The following DLG2 variants were observed in gnomAD, a reference collection of about 807,000 sequenced individuals.
DLG2 encodes the protein disks large homolog 2.
DLG2 carries 45 observed loss-of-function variants against 132.5 expected under a neutral mutation model. That is an observed-to-expected ratio of 0.34 (90% CI 0.27 to 0.44). The LOEUF (loss-of-function observed/expected upper bound fraction) is 0.44, where lower values mean the gene tolerates loss of function less well. Among genes scored for constraint, DLG2 ranks in the 20% least tolerant of loss-of-function variants. DLG2 has a pLI of 1.00. For synonymous variants in DLG2, 424 were observed against 419.6 expected (o/e 1.01, Z -0.13); for missense variants, 1,045 against 1,196.9 (o/e 0.87, Z 1.87).
At chr11:83,502,703 T>A (rs530362421) in intron 21 of DLG2, among the ~76,000 whole-genome samples, 23 of 152,268 alleles carry the variant, frequency 1.5e-4, no homozygotes, top group Non-Finnish European at 3.4e-4. Flanking sequence ...TGGTCTTACA[T>A]ACCTATCCTA....
Position 85,154,645 on chromosome 11 carries a change from C to A in DLG2, c.193G>T (p.Asp65Tyr), listed in dbSNP as rs141008668. 1.2e-5 allele frequency: 17 copies of A among 1,476,528 alleles called. No homozygotes were observed. In the East Asian group the frequency reaches 4.0e-4, roughly 34 times the overall value. 91.5% of individuals were successfully genotyped at this position (1,476,528 alleles called of 1,614,324 possible). A position where few individuals can be genotyped will look rare whatever the true frequency, so the allele number is the denominator to read the frequency against. The change falls in exon 5 of 28, where the codon GAT becomes TAT. Residue 65 changes from aspartate to tyrosine, a missense_variant. Around this residue, in one of 4 missense-constraint regions of DLG2, gnomAD observed 277 missense variants for 238.2 expected, o/e 1.16. Coordinates refer to ENST00000376104, the MANE Select transcript of DLG2 (RefSeq NM_001142699.3). ...DRLQKSSELT[D>Y]CSGSKENASC... ...GCATTTTCCTTTGATCCACTGCAAT[C>A]TGTAAGCTAAAATAAAAGTTTAAAA...
At chr11:85,572,051 T>C (rs1385959077) in intron 3 of DLG2, among the ~76,000 whole-genome samples, 1 of 152,188 alleles carries the variant, frequency 6.6e-6, no homozygotes, top group African/African-American at 2.4e-5. Flanking sequence ...TTACAGAGAT[T>C]CAGCTTCTTT....
chr11:85,587,613 G>C (rs906449468), intron 3 of DLG2, among the ~76,000 whole-genome samples: 5 of 152,100 alleles, frequency 3.3e-5, no homozygotes, highest in East Asian at 1.9e-4. Context: ...CTCTTGAAGA[G>C]AGCAGATACT....
chr11:84,350,035 G>T (rs2098555837), intron 7 of DLG2, among the ~76,000 whole-genome samples: 1 of 151,884 alleles, frequency 6.6e-6, no homozygotes, highest in Admixed American at 6.6e-5. Context: ...AAAATTAGCG[G>T]GGCGTGGTGG....
intron 6 of DLG2, among the ~76,000 whole-genome samples, chr11:85,073,188 C>T (rs1170732648): frequency 6.6e-6 from 1 of 151,818 alleles, no homozygotes; most frequent in East Asian, 1.9e-4. Context: ...AGACAGACCC[C>T]TAAACCTCTT....
intron 7 of DLG2, among the ~76,000 whole-genome samples, chr11:84,413,375 G>T (rs1010871775): frequency 6.6e-5 from 10 of 152,186 alleles, no homozygotes; most frequent in African/African-American, 2.4e-4. Context: ...ATCTTCCCAA[G>T]GAAAGAGGAG....
intron 18 of DLG2, among the ~76,000 whole-genome samples, chr11:83,723,365 G>A (rs2089195615): frequency 6.6e-6 from 1 of 152,006 alleles, no homozygotes; most frequent in South Asian, 2.1e-4. Flanking sequence ...GGGCAACAGA[G>A]TGAAACTCTC....
intron 3 of DLG2, among the ~76,000 whole-genome samples, chr11:85,472,435 G>A (rs1033925418): frequency 2.6e-5 from 4 of 152,124 alleles, no homozygotes; most frequent in Admixed American, 6.5e-5. Context: ...CCGAGTAGCT[G>A]GGACTACAGG....
intron 4 of DLG2, among the ~76,000 whole-genome samples, chr11:85,265,332 T>C (rs2077151611): frequency 1.3e-5 from 2 of 152,230 alleles, no homozygotes; most frequent in African/African-American, 2.4e-5. Flanking sequence ...TTTACATATA[T>C]CAGTTCCATC....
chr11:84,034,743 G>C (rs2095814699), intron 11 of DLG2, among the ~76,000 whole-genome samples: 2 of 152,224 alleles, frequency 1.3e-5, no homozygotes, highest in East Asian at 1.9e-4. Context: ...AAGAGAATCA[G>C]GGGACTGCTG....
At chr11:84,368,691 T>G (rs2098694087) in intron 7 of DLG2, among the ~76,000 whole-genome samples, 1 of 152,138 alleles carries the variant, frequency 6.6e-6, no homozygotes, top group Admixed American at 6.6e-5. Flanking sequence ...TATTATCTAT[T>G]AAATGTGAAC....
chr11:84,475,246 T>C (rs918358696), intron 7 of DLG2, among the ~76,000 whole-genome samples: 13 of 152,096 alleles, frequency 8.5e-5, no homozygotes, highest in African/African-American at 3.1e-4. Flanking sequence ...TTAAAAAAAA[T>C]ATTACAACAC....
intron 4 of DLG2, among the ~76,000 whole-genome samples, chr11:85,191,989 A>G (rs72945960): frequency 0.043 from 6,564 of 152,244 alleles, 192 homozygotes; most frequent in East Asian, 0.093. Flanking sequence ...TATTATTGCT[A>G]TTTTACAAAT....
chr11:83,889,642 A>G (rs1167610111), intron 15 of DLG2, among the ~76,000 whole-genome samples: 3 of 152,174 alleles, frequency 2.0e-5, no homozygotes, highest in African/African-American at 7.2e-5. Context: ...TCATGCTGCT[A>G]TAAAGACACA....
intron 6 of DLG2, among the ~76,000 whole-genome samples, chr11:84,616,365 A>G (rs2099604469): frequency 6.6e-6 from 1 of 152,148 alleles, no homozygotes; most frequent in African/African-American, 2.4e-5. Flanking sequence ...TCAGTAAACA[A>G]AGTACTTGAA....
chr11:83,720,040 C>T (rs1011203571), intron 18 of DLG2, among the ~76,000 whole-genome samples: 1 of 151,896 alleles, frequency 6.6e-6, no homozygotes, highest in African/African-American at 2.4e-5. Context: ...CGCCTGTAAT[C>T]CCAGCACTTT....
rs1369679889 is a variant in DLG2 at position 85,244,601 on chromosome 11, CT to C, written c.186+40618del. 4.6e-5 allele frequency among the ~76,000 whole-genome samples: 7 copies of C among 151,896 alleles called. No individual in the cohort carries two copies. The East Asian group carries it at 5.8e-4, about 13-fold the overall frequency. ...ATCTTAATCAGATTGCTATTGATGC[CT>C]TTTTTTGTGACAGCAAAAAATAAAT... On this transcript the variant is annotated intron_variant, in intron 4 of 27. Coordinates refer to ENST00000376104, the MANE Select transcript of DLG2 (RefSeq NM_001142699.3).
chr11:84,914,016 A>G (rs2092295827), intron 6 of DLG2, among the ~76,000 whole-genome samples: 1 of 152,170 alleles, frequency 6.6e-6, no homozygotes, highest in Admixed American at 6.5e-5. Flanking sequence ...TCCTCTTCCA[A>G]TGTAAGTACT....
chr11:84,934,171 C>T (rs1246849454), intron 6 of DLG2, among the ~76,000 whole-genome samples: 1 of 152,012 alleles, frequency 6.6e-6, no homozygotes, highest in Non-Finnish European at 1.5e-5. Context: ...CGATAAATCA[C>T]ATTTATTGAT....
Sources: gnomAD v4.1 joint callset for allele counts (sites outside exome capture counted in the v4.1 genomes callset) on GRCh38, gnomAD v4.1.1 for gene constraint, gnomAD v4.1.1 regional missense constraint, MANE v1.5 for transcripts, NCBI Gene and HGNC (gene_info 2026-07-23, HGNC 2026-07-21) for gene names.